The following CHST3 variants were observed in gnomAD, a reference collection of about 807,000 sequenced individuals.
CHST3 encodes the protein carbohydrate sulfotransferase 3.
In CHST3, 20 loss-of-function variants were observed where a neutral mutation model predicts 35.4. The observed-to-expected ratio is 0.57, with a 90% CI of 0.40 to 0.82. The LOEUF is 0.82. CHST3 is among the 40% of genes least tolerant of loss of function. CHST3 has a pLI of 0.00. For synonymous variants in CHST3, 334 were observed against 295.9 expected (o/e 1.13, Z -1.32); for missense variants, 693 against 670.1 (o/e 1.03, Z -0.38).
intron 1 of CHST3, among the ~76,000 whole-genome samples, chr10:71,987,749 A>AGTAGGGTT (rs1366500185): frequency 6.6e-6 from 1 of 151,704 alleles, no homozygotes; most frequent in Non-Finnish European, 1.5e-5. Context: ...AGGAAATAGA[A>AGTAGGGTT]GTAGGGTTGG....
chr10:71,977,366 G>C (rs4148926), intron 1 of CHST3, among the ~76,000 whole-genome samples: 75,955 of 151,898 alleles, frequency 0.5, 19,794 homozygotes, highest in Non-Finnish European at 0.58. Context: ...CTGGGGCTGT[G>C]GGGTCAGGGC....
chr10:71,995,663 G>A (rs1304720033), intron 1 of CHST3, among the ~76,000 whole-genome samples: 2 of 152,172 alleles, frequency 1.3e-5, no homozygotes, highest in African/African-American at 4.8e-5. Flanking sequence ...CAAGGAACAA[G>A]GAGAGGCCTG....
chr10:72,000,801 T>A (rs1207281361), intron 1 of CHST3, among the ~76,000 whole-genome samples: 1 of 151,722 alleles, frequency 6.6e-6, no homozygotes, highest in Non-Finnish European at 1.5e-5. Context: ...TGTTCCCCTG[T>A]CTGGGTGGCT....
intron 1 of CHST3, among the ~76,000 whole-genome samples, chr10:71,996,902 GTTTGTTTTGTTT>G (rs1257692000): frequency 2.0e-5 from 3 of 151,874 alleles, no homozygotes; most frequent in South Asian, 2.1e-4. Context: ...GGGTTGGTTG[GTTTGTTTTGTTT>G]TTTGTTTTGT....
rs1413931311 is a variant in CHST3 at position 72,010,657 on chromosome 10, G to A, written c.*2186G>A. On this transcript the variant is annotated 3_prime_UTR_variant, in exon 3 of 3. Transcript: ENST00000373115. ...CAACACTCTTGGTTTTAGAGTCCAA[G>A]AGTAAGTTGTGCAGAGACATGGTTC... 1 of 152,208 alleles carries A rather than the reference G, an allele frequency of 6.6e-6. No individual in the cohort carries two copies. The highest frequency in any genetic ancestry group is 1.5e-5 in the Non-Finnish European group (1 of 68,052). 9.4% of individuals were successfully genotyped at this position (152,208 alleles called of 1,614,324 possible).
chr10:72,007,559 G>A lies in CHST3; in HGVS notation c.528G>A (p.Pro176=), dbSNP rs373748456. The part of the protein sequence containing the change: ...WHIERTVSFE[P]GGANAAGSAL... ...TCGAGCGCACAGTGTCCTTCGAGCC[G>A]GGGGGCGCCAACGCCGCGGGCTCGG... Residue 176 remains proline, a synonymous_variant, in exon 3 of 3, where the codon CCG becomes CCA. Transcript: ENST00000373115. 101 of 1,606,076 alleles carry A rather than the reference G, an allele frequency of 6.3e-5. No individual in the cohort carries two copies. In the African/African-American group the frequency reaches 1.1e-3, roughly 17 times the overall value.
chr10:71,969,454 C>A (rs1471621559), intron 1 of CHST3, among the ~76,000 whole-genome samples: 1 of 152,210 alleles, frequency 6.6e-6, no homozygotes, highest in East Asian at 1.9e-4. Flanking sequence ...CTCATCTCTG[C>A]CCTGAGAGCC....
At chr10:72,001,684 G>C (rs1407507541) in intron 1 of CHST3, among the ~76,000 whole-genome samples, 4 of 152,146 alleles carry the variant, frequency 2.6e-5, no homozygotes, top group Admixed American at 2.6e-4. Context: ...ATGTTGGCCA[G>C]GCTGGTCTCA....
chr10:71,984,362 T>C (rs113670322), intron 1 of CHST3, among the ~76,000 whole-genome samples: 5,236 of 152,314 alleles, frequency 0.034, 247 homozygotes, highest in African/African-American at 0.11. Flanking sequence ...CGCCCCACGC[T>C]GTGGAGCGCA....
intron 1 of CHST3, among the ~76,000 whole-genome samples, chr10:71,997,610 G>A (rs1839952860): frequency 6.6e-6 from 1 of 151,904 alleles, no homozygotes; most frequent in Admixed American, 6.6e-5. Flanking sequence ...ACAGGTGTAT[G>A]GTTACCAAAA....
chr10:71,989,891 A>G (rs1364198466), intron 1 of CHST3, among the ~76,000 whole-genome samples: 1 of 152,152 alleles, frequency 6.6e-6, no homozygotes, highest in East Asian at 1.9e-4. Flanking sequence ...ACAGCATTTT[A>G]TGTCAGCCCT....
chr10:72,009,924 G>A lies in CHST3; in HGVS notation c.*1453G>A, dbSNP rs1840091934. 1 of 152,896 alleles carries A rather than the reference G, an allele frequency of 6.5e-6. No homozygotes were observed. Among genetic ancestry groups the A allele is most frequent in the South Asian group, 2.1e-4 (1 of 4,826 alleles). 9.5% of individuals were successfully genotyped at this position (152,896 alleles called of 1,614,324 possible). On this transcript the variant is annotated 3_prime_UTR_variant, in exon 3 of 3. Coordinates refer to ENST00000373115, the MANE Select transcript of CHST3 (RefSeq NM_004273.5). ...GAGGGAGGCTGGGGAAAACCAGCAG[G>A]GAGCACTTGGCTCCTGGCAGAGGGA...
At chr10:71,987,524 GT>G (rs1436558474) in intron 1 of CHST3, among the ~76,000 whole-genome samples, 3 of 151,996 alleles carry the variant, frequency 2.0e-5, no homozygotes, top group African/African-American at 7.2e-5. Flanking sequence ...GACCAGCCTG[GT>G]CCGCATGGTG....
chr10:72,003,281 G>A (rs28691586), intron 1 of CHST3, among the ~76,000 whole-genome samples: 2,074 of 152,284 alleles, frequency 0.014, 58 homozygotes, highest in African/African-American at 0.047. Context: ...CTTGTTCACC[G>A]CCATATTTTC....
chr10:72,000,523 G>GA (rs777650769), intron 1 of CHST3, among the ~76,000 whole-genome samples: 4 of 121,190 alleles, frequency 3.3e-5, no homozygotes, highest in Non-Finnish European at 6.1e-5. Context: ...GAAGGAGCCA[G>GA]CCAGAGCAGA....
At chr10:71,974,388 GGA>G (rs1398816643) in intron 1 of CHST3, among the ~76,000 whole-genome samples, 1 of 152,176 alleles carries the variant, frequency 6.6e-6, no homozygotes, top group Non-Finnish European at 1.5e-5. Context: ...ACTCAGTCAG[GGA>G]GAGTCAGAGC....
intron 1 of CHST3, among the ~76,000 whole-genome samples, chr10:71,995,369 G>A (rs1393604626): frequency 6.6e-6 from 1 of 150,508 alleles, no homozygotes; most frequent in Non-Finnish European, 1.5e-5. Flanking sequence ...AGGTTGCAGT[G>A]AGCCGAGATC....
chr10:72,001,591 C>T (rs1035040813), intron 1 of CHST3, among the ~76,000 whole-genome samples: 3 of 151,976 alleles, frequency 2.0e-5, no homozygotes, highest in South Asian at 2.1e-4. Flanking sequence ...CTCCTGCCTC[C>T]GCCTCCCAAA....
At chr10:71,971,320 C>T (rs190264693) in intron 1 of CHST3, among the ~76,000 whole-genome samples, 169 of 152,318 alleles carry the variant, frequency 1.1e-3, no homozygotes, top group African/African-American at 4.0e-3. Flanking sequence ...GTCCTGCGCT[C>T]CGCACGTCCA....
Sources: allele counts gnomAD v4.1 joint callset (sites outside exome capture counted in the v4.1 genomes callset), GRCh38; gene constraint gnomAD v4.1.1; transcripts MANE v1.5; gene names NCBI Gene and HGNC (gene_info 2026-07-23, HGNC 2026-07-21).